Variants in SUMF1 observed in about 807,000 individuals in gnomAD.
SUMF1 encodes the protein formylglycine-generating enzyme.
SUMF1 carries 48 observed loss-of-function variants against 47.6 expected under a neutral mutation model. That is an observed-to-expected ratio of 1.01 (90% CI 0.80 to 1.28). The LOEUF is 1.28. Among genes scored for constraint, SUMF1 ranks in the 50% most tolerant of loss-of-function variants. The pLI is 0.00. For missense variants in SUMF1, 571 were observed against 485.4 expected (o/e 1.18, Z -1.66); for synonymous variants, 230 against 192.1 (o/e 1.20, Z -1.63).
At chr3:4,322,159 G>C (rs1698850300) in intron 8 of SUMF1, among the ~76,000 whole-genome samples, 1 of 152,104 alleles carries the variant, frequency 6.6e-6, no homozygotes, top group African/African-American at 2.4e-5. Context: ...GACATGATAT[G>C]TAACTGTAAT....
At chr3:4,333,655 G>T (rs1699090803) in intron 8 of SUMF1, among the ~76,000 whole-genome samples, 1 of 152,038 alleles carries the variant, frequency 6.6e-6, no homozygotes, top group Admixed American at 6.6e-5. Flanking sequence ...AAGTCTGATG[G>T]ACAACTCAAC....
At chr3:4,351,345 A>G (rs915760747) in intron 8 of SUMF1, among the ~76,000 whole-genome samples, 21 of 152,352 alleles carry the variant, frequency 1.4e-4, no homozygotes, top group Admixed American at 6.5e-4. Flanking sequence ...GCCCAGCCAC[A>G]GAGTTAGGAG....
At chr3:4,385,379 T>A (rs1575160151) in intron 7 of SUMF1, among the ~76,000 whole-genome samples, 1 of 152,180 alleles carries the variant, frequency 6.6e-6, no homozygotes, top group East Asian at 1.9e-4. Flanking sequence ...CCAGTGCTAA[T>A]GACGTTGAGC....
At chr3:4,145,498 A>T (rs781675188) in intron 8 of SUMF1, among the ~76,000 whole-genome samples, 10 of 152,102 alleles carry the variant, frequency 6.6e-5, no homozygotes, top group Non-Finnish European at 1.0e-4. Context: ...TTCTGGCCAA[A>T]CCAAATCTGC....
At chr3:4,090,944 G>A (rs763738765) in intron 8 of SUMF1, among the ~76,000 whole-genome samples, 7 of 151,956 alleles carry the variant, frequency 4.6e-5, no homozygotes, top group Non-Finnish European at 1.0e-4. Flanking sequence ...ATCCAGGTGT[G>A]GAGGCACGCA....
At chr3:4,456,715 T>TATATATAC (rs1553589060) in intron 1 of SUMF1, among the ~76,000 whole-genome samples, 12 of 137,668 alleles carry the variant, frequency 8.7e-5, no homozygotes, top group African/African-American at 3.3e-4. Flanking sequence ...CGTATATATA[T>TATATATAC]ACATATATAT....
chr3:4,389,403 T>C (rs1203685305), intron 7 of SUMF1, among the ~76,000 whole-genome samples: 2 of 152,104 alleles, frequency 1.3e-5, no homozygotes, highest in Non-Finnish European at 2.9e-5. Flanking sequence ...GTCTTTAGTG[T>C]TCAGAAGTTT....
chr3:4,130,810 T>C (rs1574909979), intron 8 of SUMF1, among the ~76,000 whole-genome samples: 1 of 152,222 alleles, frequency 6.6e-6, no homozygotes, highest in African/African-American at 2.4e-5. Flanking sequence ...TATCGAGTGA[T>C]CCAAAGGCTA....
intron 8 of SUMF1, among the ~76,000 whole-genome samples, chr3:4,075,907 T>C (rs1467664179): frequency 1.3e-5 from 2 of 152,146 alleles, no homozygotes; most frequent in African/African-American, 4.8e-5. Flanking sequence ...AAAATGGCCA[T>C]ACTGCCTAAA....
At chr3:4,200,921 C>T (rs1292596806) in intron 8 of SUMF1, among the ~76,000 whole-genome samples, 3 of 152,088 alleles carry the variant, frequency 2.0e-5, no homozygotes, top group Non-Finnish European at 2.9e-5. Flanking sequence ...GCTAATACCA[C>T]ATTGTCTTAC....
At chr3:4,464,597 G>T (rs946627853) in intron 1 of SUMF1, among the ~76,000 whole-genome samples, 1 of 152,066 alleles carries the variant, frequency 6.6e-6, no homozygotes, top group African/African-American at 2.4e-5. Flanking sequence ...AAACAAAGAG[G>T]GGAAAAAAGG....
chr3:4,221,125 T>C (rs1696051037), intron 8 of SUMF1, among the ~76,000 whole-genome samples: 1 of 152,138 alleles, frequency 6.6e-6, no homozygotes, highest in South Asian at 2.1e-4. Flanking sequence ...CGCATGCCTT[T>C]TATTCACCAC....
chr3:4,298,653 A>T (rs912061144), intron 8 of SUMF1, among the ~76,000 whole-genome samples: 1 of 152,202 alleles, frequency 6.6e-6, no homozygotes, highest in Non-Finnish European at 1.5e-5. Flanking sequence ...TACAATTTCT[A>T]TCACATTCTG....
chr3:4,372,586 C>A (rs926862892), intron 8 of SUMF1, among the ~76,000 whole-genome samples: 2 of 152,066 alleles, frequency 1.3e-5, no homozygotes, highest in African/African-American at 4.8e-5. Flanking sequence ...TGAGCCTTTA[C>A]CATAAGCTAA....
chr3:4,413,997 G>A (rs1261139809), intron 6 of SUMF1, among the ~76,000 whole-genome samples: 1 of 152,084 alleles, frequency 6.6e-6, no homozygotes, highest in Non-Finnish European at 1.5e-5. Flanking sequence ...CTGAGTAGCT[G>A]GGATTACAGG....
chr3:4,243,920 T>C (rs2125000321), intron 8 of SUMF1, among the ~76,000 whole-genome samples: 1 of 152,330 alleles, frequency 6.6e-6, no homozygotes, highest in East Asian at 1.9e-4. Flanking sequence ...TCTAAGACCT[T>C]GCTTTATGAA....
intron 8 of SUMF1, among the ~76,000 whole-genome samples, chr3:4,172,763 C>T (rs936920405): frequency 1.3e-5 from 2 of 151,930 alleles, no homozygotes; most frequent in Non-Finnish European, 2.9e-5. Context: ...GATATTAGCC[C>T]TTTGTCAGAT....
chr3:4,338,868 G>A (rs17040391), intron 8 of SUMF1, among the ~76,000 whole-genome samples: 27,835 of 151,904 alleles, frequency 0.18, 2,665 homozygotes, highest in Middle Eastern at 0.25. Context: ...TTTGGCATTC[G>A]TGTGATTGAG....
At chr3:4,168,422 C>T (rs538989595) in intron 8 of SUMF1, among the ~76,000 whole-genome samples, 2 of 152,284 alleles carry the variant, frequency 1.3e-5, no homozygotes, top group African/African-American at 4.8e-5. Context: ...AACAGATCTG[C>T]CATCTCCAGC....
Sources: gnomAD v4.1 joint callset for allele counts (sites outside exome capture counted in the v4.1 genomes callset) on GRCh38, gnomAD v4.1.1 for gene constraint, MANE v1.5 for transcripts, NCBI Gene and HGNC (gene_info 2026-07-23, HGNC 2026-07-21) for gene names.